The following SEMA3D variants were observed in gnomAD, a reference collection of about 807,000 sequenced individuals.
SEMA3D encodes semaphorin 3D, also known as semaphorin-3D.
Under a neutral mutation model 100.1 loss-of-function variants are expected in SEMA3D, and 84 were observed. That is an observed-to-expected ratio of 0.84 (90% CI 0.70 to 1.01). The LOEUF (loss-of-function observed/expected upper bound fraction) is 1.01, where lower values mean the gene tolerates loss of function less well. Among genes scored for constraint, SEMA3D ranks in the 50% least tolerant of loss-of-function variants. The pLI is 0.00. For synonymous variants in SEMA3D, 312 were observed against 320.7 expected (o/e 0.97, Z 0.29); for missense variants, 875 against 934.1 (o/e 0.94, Z 0.82).
At chr7:85,182,526 C>G (rs1201102379) in intron 1 of SEMA3D, among the ~76,000 whole-genome samples, 1 of 152,074 alleles carries the variant, frequency 6.6e-6, no homozygotes. Flanking sequence ...AGACAAATTC[C>G]TACCCTCAAG....
Position 85,171,748 on chromosome 7 carries a change from C to G in SEMA3D, c.-173+14930G>C, listed in dbSNP as rs10235287. On this transcript the variant is annotated intron_variant, in intron 1 of 18. Transcript: ENST00000284136. Reference sequence around the variant, plus strand: ...GAATCAAGCCAGCAAATTTATAATACGTATTCACTAAAGTAATAAATAAAA... The same window carrying G: ...GAATCAAGCCAGCAAATTTATAATAGGTATTCACTAAAGTAATAAATAAAA... Among the ~76,000 whole-genome samples, 804 of 151,710 alleles carry G rather than the reference C, an allele frequency of 5.3e-3. 6 individuals are homozygous for G. The highest frequency in any genetic ancestry group is 0.019 in the African/African-American group (775 of 41,368).
At chr7:85,098,374 T>G (rs956280442) in intron 3 of SEMA3D, among the ~76,000 whole-genome samples, 7 of 151,878 alleles carry the variant, frequency 4.6e-5, no homozygotes, top group African/African-American at 7.2e-5. Flanking sequence ...TTTACAACCC[T>G]GTGTTCACAT....
intron 8 of SEMA3D, among the ~76,000 whole-genome samples, chr7:85,065,115 T>C (rs1386636934): frequency 3.9e-5 from 6 of 152,168 alleles, no homozygotes; most frequent in African/African-American, 1.4e-4. Flanking sequence ...AGTATTTTTA[T>C]AGCATAATAG....
At chr7:85,104,952 C>G (rs1183981987) in intron 3 of SEMA3D, among the ~76,000 whole-genome samples, 1 of 151,992 alleles carries the variant, frequency 6.6e-6, no homozygotes, top group Non-Finnish European at 1.5e-5. Context: ...AACTTCACAA[C>G]TAAAAATAGA....
intron 9 of SEMA3D, among the ~76,000 whole-genome samples, chr7:85,047,224 T>C (rs1338954571): frequency 6.6e-6 from 1 of 151,912 alleles, no homozygotes; most frequent in Non-Finnish European, 1.5e-5. Context: ...TAAAATATAG[T>C]ACATCTGAGT....
chr7:85,136,352 C>T (rs953622435), intron 2 of SEMA3D, among the ~76,000 whole-genome samples: 1 of 152,062 alleles, frequency 6.6e-6, no homozygotes, highest in Non-Finnish European at 1.5e-5. Flanking sequence ...TACTATTTTA[C>T]TTAATCATTC....
the SEMA3D span, among the ~76,000 whole-genome samples, chr7:85,229,801 T>G: frequency 6.6e-6 from 1 of 152,160 alleles, no homozygotes; most frequent in Non-Finnish European, 1.5e-5. Flanking sequence ...TTTTTCCTGT[T>G]CTTCATTCTT....
chr7:85,072,698 A>G (rs1791808959), intron 6 of SEMA3D, among the ~76,000 whole-genome samples: 1 of 152,216 alleles, frequency 6.6e-6, no homozygotes, highest in African/African-American at 2.4e-5. Context: ...ATGAGTTACT[A>G]TATCGTTCAT....
chr7:85,245,920 A>G, the SEMA3D span, among the ~76,000 whole-genome samples: 1 of 152,142 alleles, frequency 6.6e-6, no homozygotes, highest in Non-Finnish European at 1.5e-5. Flanking sequence ...TGGAAGAATA[A>G]AAGATAAACA....
chr7:85,010,976 G>C (rs1405963274), intron 17 of SEMA3D, among the ~76,000 whole-genome samples: 8 of 151,760 alleles, frequency 5.3e-5, no homozygotes, highest in African/African-American at 1.7e-4. Flanking sequence ...AGTCTGAAAG[G>C]TAAGAGGTTA....
chr7:85,011,864 G>C (rs996507553), intron 17 of SEMA3D, among the ~76,000 whole-genome samples: 6 of 151,676 alleles, frequency 4.0e-5, no homozygotes, highest in African/African-American at 1.2e-4. Flanking sequence ...TATAGATTAT[G>C]AAATTTGGGT....
At chr7:85,216,349 T>C in the SEMA3D span, among the ~76,000 whole-genome samples, 73 of 135,822 alleles carry the variant, frequency 5.4e-4, no homozygotes, top group African/African-American at 2.0e-3. Context: ...GTAACACAAA[T>C]AAGAGTGTTG....
intron 12 of SEMA3D, chr7:85,028,861 AG>A (rs1427057452): frequency 4.2e-6 from 1 of 239,754 alleles, no homozygotes; most frequent in East Asian, 1.1e-4. Context: ...TGTATCCCCA[AG>A]ATTTAGTAGC....
chr7:85,023,025 G>A (rs990272982), intron 12 of SEMA3D, among the ~76,000 whole-genome samples: 1 of 151,676 alleles, frequency 6.6e-6, no homozygotes, highest in Admixed American at 6.6e-5. Context: ...ATGAAACCAT[G>A]TTTAATTAAA....
intron 18 of SEMA3D, among the ~76,000 whole-genome samples, chr7:85,003,207 T>G (rs185095440): frequency 1.6e-4 from 24 of 152,152 alleles, no homozygotes; most frequent in Non-Finnish European, 2.8e-4. Flanking sequence ...TTTAAATTTA[T>G]CAGAGTTTAC....
chr7:85,128,409 T>C (rs1201643283), intron 2 of SEMA3D, among the ~76,000 whole-genome samples: 1 of 152,084 alleles, frequency 6.6e-6, no homozygotes, highest in East Asian at 1.9e-4. Context: ...GACCTCGTGA[T>C]CCACCTGCCT....
the SEMA3D span, among the ~76,000 whole-genome samples, chr7:85,226,100 A>G: frequency 6.6e-6 from 1 of 152,260 alleles, no homozygotes; most frequent in East Asian, 1.9e-4. Flanking sequence ...ACACATTATT[A>G]GTACATTTTC....
chr7:85,102,837 T>C lies in SEMA3D; in HGVS notation c.152-4872A>G, dbSNP rs140002260. On this transcript the variant is annotated intron_variant, in intron 3 of 18. Coordinates refer to ENST00000284136, the MANE Select transcript of SEMA3D (RefSeq NM_001384900.1). ...TAAATATAAAGTTGATATAGCCACT[T>C]GCTTTATTTTCTTTCATCATAACCA... 1.4e-3 allele frequency among the ~76,000 whole-genome samples: 217 copies of C among 152,128 alleles called. 1 individual carries two copies. The highest frequency in any genetic ancestry group is 5.0e-3 in the African/African-American group (208 of 41,534).
intron 5 of SEMA3D, among the ~76,000 whole-genome samples, chr7:85,074,636 TA>T (rs71523728): frequency 0.029 from 4,352 of 148,368 alleles, 76 homozygotes; most frequent in African/African-American, 0.048. Flanking sequence ...TATATATATA[TA>T]TTTTTTTTTT....
Sources: gnomAD v4.1 joint callset for allele counts (sites outside exome capture counted in the v4.1 genomes callset) on GRCh38, gnomAD v4.1.1 for gene constraint, MANE v1.5 for transcripts, NCBI Gene and HGNC (gene_info 2026-07-23, HGNC 2026-07-21) for gene names.